The following SLAIN1 variants were observed in gnomAD, a reference collection of about 807,000 sequenced individuals.
SLAIN1 encodes the protein SLAIN family member 1, also known as SLAIN motif-containing protein 1.
SLAIN1 carries 17 observed loss-of-function variants against 55.4 expected under a neutral mutation model. The ratio of observed to expected loss-of-function variants is 0.31; its 90% confidence interval spans 0.21 to 0.46. The LOEUF (loss-of-function observed/expected upper bound fraction) is 0.46, where lower values mean the gene tolerates loss of function less well. SLAIN1 is among the 20% of genes least tolerant of loss of function. The probability of loss-of-function intolerance (pLI) is 1.00; values close to 1 mark genes in which losing one functional copy is unlikely to be tolerated. For synonymous variants in SLAIN1, 348 were observed against 337.4 expected (o/e 1.03, Z -0.35); for missense variants, 682 against 785.1 (o/e 0.87, Z 1.57).
intron 4 of SLAIN1, among the ~76,000 whole-genome samples, chr13:77,747,714 C>A (rs1873933636): frequency 6.6e-6 from 1 of 152,136 alleles, no homozygotes; most frequent in Non-Finnish European, 1.5e-5. Flanking sequence ...TGTGTAGCAG[C>A]AGGAACATGG....
At chr13:77,730,244 T>C (rs887878848) in intron 2 of SLAIN1, among the ~76,000 whole-genome samples, 1 of 152,110 alleles carries the variant, frequency 6.6e-6, no homozygotes, top group African/African-American at 2.4e-5. Context: ...TGAATAATTT[T>C]TAGTAAAGGA....
intron 4 of SLAIN1, 38 bp downstream of exon 4, chr13:77,746,893 A>AT (rs1252438795): frequency 2.7e-6 from 4 of 1,493,962 alleles, no homozygotes; most frequent in Non-Finnish European, 2.7e-6. Context: ...ATATGCTTTA[A>AT]TTTTTTTATA....
intron 1 of SLAIN1, among the ~76,000 whole-genome samples, chr13:77,707,780 G>A (rs1206398830): frequency 6.6e-6 from 1 of 152,202 alleles, no homozygotes; most frequent in Non-Finnish European, 1.5e-5. Flanking sequence ...TCAGCATGTG[G>A]ACTTCCATTT....
intron 2 of SLAIN1, among the ~76,000 whole-genome samples, chr13:77,735,256 A>T (rs1278825496): frequency 6.6e-6 from 1 of 152,140 alleles, no homozygotes; most frequent in Non-Finnish European, 1.5e-5. Flanking sequence ...CAAAGCTAGT[A>T]TGTGGCAGGA....
At chr13:77,717,306 G>A (rs887326128) in intron 1 of SLAIN1, among the ~76,000 whole-genome samples, 5 of 151,984 alleles carry the variant, frequency 3.3e-5, no homozygotes, top group Non-Finnish European at 5.9e-5. Context: ...GTCTGATTTT[G>A]GTGTCAAGGT....
intron 1 of SLAIN1, among the ~76,000 whole-genome samples, chr13:77,717,600 A>G (rs1196388284): frequency 1.3e-5 from 2 of 152,036 alleles, no homozygotes; most frequent in African/African-American, 2.4e-5. Context: ...TTAAGGAAAA[A>G]CTTGTCCGCA....
chr13:77,756,310 T>C (rs777704070), intron 5 of SLAIN1, among the ~76,000 whole-genome samples: 2 of 152,122 alleles, frequency 1.3e-5, no homozygotes, highest in South Asian at 2.1e-4. Context: ...TTTTGGAAGA[T>C]CTTAACAATA....
chr13:77,740,536 C>G (rs902253934), intron 2 of SLAIN1, among the ~76,000 whole-genome samples: 2 of 150,680 alleles, frequency 1.3e-5, no homozygotes, highest in East Asian at 2.0e-4. Flanking sequence ...CCGCCCCCCC[C>G]CCCTTTTTTT....
intron 2 of SLAIN1, among the ~76,000 whole-genome samples, chr13:77,722,414 A>G (rs2091270394): frequency 6.8e-6 from 1 of 146,768 alleles, no homozygotes; most frequent in Non-Finnish European, 1.5e-5. Flanking sequence ...TACAACTGTT[A>G]TAAGACAAAT....
chr13:77,709,003 G>C (rs912174540), intron 1 of SLAIN1, among the ~76,000 whole-genome samples: 7 of 151,974 alleles, frequency 4.6e-5, no homozygotes, highest in Non-Finnish European at 1.5e-5. Context: ...ATGCAAGGAA[G>C]CTAAGAACTT....
chr13:77,759,971 C>A (rs1236658124), intron 5 of SLAIN1, among the ~76,000 whole-genome samples: 2 of 152,028 alleles, frequency 1.3e-5, no homozygotes, highest in African/African-American at 4.8e-5. Context: ...GGGTCTTTTT[C>A]CCCCTTATAT....
rs551950144 is a variant in SLAIN1 at position 77,753,329 on chromosome 13, G to A, written c.1385G>A (p.Gly462Glu). 5.3e-5 allele frequency: 86 copies of A among 1,609,820 alleles called. 1 individual carries two copies. The Middle Eastern group carries it at 8.3e-4, about 16-fold the overall frequency. Residue 462 changes from glycine (G) to glutamate (E), a missense_variant, in exon 5 of 7, where the codon GGA (glycine) becomes GAA (glutamate). Transcript: ENST00000418532. ...QSFDSSLHGA[G>E]NGISRIQSCI... ...TTTGACTCAAGCTTGCATGGAGCTG[G>A]AAATGGAATTTCAAGAATACAATCT...
intron 2 of SLAIN1, chr13:77,741,560 C>A: frequency 3.1e-6 from 1 of 321,814 alleles, no homozygotes; most frequent in Non-Finnish European, 4.5e-6. Flanking sequence ...GTTTCCTTGC[C>A]TAGTTCTTCC....
At chr13:77,701,713 G>C (rs986640383) in intron 1 of SLAIN1, among the ~76,000 whole-genome samples, 5 of 151,914 alleles carry the variant, frequency 3.3e-5, no homozygotes, top group Admixed American at 2.6e-4. Flanking sequence ...TAAAGTTGAT[G>C]GCAATTCCAG....
chr13:77,702,764 A>C (rs998859978), intron 1 of SLAIN1, among the ~76,000 whole-genome samples: 1 of 152,168 alleles, frequency 6.6e-6, no homozygotes, highest in African/African-American at 2.4e-5. Context: ...TAAGTTTATA[A>C]AGTCAATTTA....
intron 1 of SLAIN1, among the ~76,000 whole-genome samples, chr13:77,701,326 C>T (rs2091028679): frequency 6.6e-6 from 1 of 152,050 alleles, no homozygotes; most frequent in Non-Finnish European, 1.5e-5. Context: ...TATATCTTTT[C>T]TAATAAAACC....
rs200687166 is a variant in SLAIN1 at position 77,761,069 on chromosome 13, G to A, written c.1656G>A (p.Gly552=). 3.7e-6 allele frequency: 6 copies of A among 1,614,164 alleles called. No homozygotes were observed. In the Admixed American group the frequency reaches 8.3e-5, roughly 22 times the overall value. Residue 552 remains glycine (G), a synonymous_variant, in exon 6 of 7, where the codon GGG becomes GGA. Transcript: ENST00000418532. ...CAAGACCTTCGTTGGCAATAAATGGGAGTAACCTGCCTCGAAGCAAAATTG... is the reference window on the plus strand; with the variant it reads ...CAAGACCTTCGTTGGCAATAAATGGAAGTAACCTGCCTCGAAGCAAAATTG... The part of the protein sequence containing the change: ...ALPRPSLAIN[G]SNLPRSKIAQ...
rs145366144 is a variant in SLAIN1, at chr13:77,705,615, A to T, written c.626+7076A>T. Among the ~76,000 whole-genome samples the T allele has an allele frequency of 2.5e-3, 379 of 151,674 alleles. 1 individual carries two copies. The highest frequency in any genetic ancestry group is 8.8e-3 in the African/African-American group (364 of 41,430). On this transcript the variant is annotated intron_variant, in intron 1 of 6. Coordinates refer to ENST00000418532, the MANE Select transcript of SLAIN1 (RefSeq NM_001242868.2). Reference sequence around the variant, plus strand: ...AGTGATTTTTAAAATGACTTTTTGGAGGGTTAGAGCTATATAGGAGAAATA... The same window carrying T: ...AGTGATTTTTAAAATGACTTTTTGGTGGGTTAGAGCTATATAGGAGAAATA...
At chr13:77,741,179 A>C (rs1873410936) in intron 2 of SLAIN1, 2 of 985,316 alleles carry the variant, frequency 2.0e-6, no homozygotes, top group South Asian at 9.4e-5. Flanking sequence ...CTGGCAAGTG[A>C]TCAGACTGGT....
Sources: gnomAD v4.1 joint callset for allele counts (sites outside exome capture counted in the v4.1 genomes callset) on GRCh38, gnomAD v4.1.1 for gene constraint, MANE v1.5 for transcripts, NCBI Gene and HGNC (gene_info 2026-07-23, HGNC 2026-07-21) for gene names.